Variants in PHYH observed in about 807,000 individuals in gnomAD.
PHYH encodes phytanoyl-CoA dioxygenase, peroxisomal.
In PHYH, 32 loss-of-function variants were observed where a neutral mutation model predicts 38.5. The ratio of observed to expected loss-of-function variants is 0.83; its 90% CI spans 0.63 to 1.12. PHYH has a LOEUF of 1.12. Ranked by LOEUF, PHYH falls within the 50% of genes most tolerant of loss-of-function variation. PHYH has a pLI of 0.00. For synonymous variants in PHYH, 166 were observed against 157.9 expected (o/e 1.05, Z -0.38); for missense variants, 426 against 434.8 (o/e 0.98, Z 0.18).
intron 1 of PHYH, 39 bp from the exon 2 acceptor site, chr10:13,298,284 A>C: frequency 1.5e-6 from 2 of 1,343,704 alleles, no homozygotes; most frequent in Non-Finnish European, 2.1e-6. Context: ...AAAATATAGA[A>C]GGCCAGGCAC....
chr10:13,298,683 A>T (rs1765326963), intron 1 of PHYH, among the ~76,000 whole-genome samples: 1 of 150,600 alleles, frequency 6.6e-6, no homozygotes. Context: ...CCTGGGCAAC[A>T]GAGAGAGACT....
chr10:13,278,367 TCAAA>T lies in PHYH; in HGVS notation c.964-17_964-14del. 1.3e-6 allele frequency: 2 copies of T among 1,599,556 alleles called. No homozygotes were observed. Among genetic ancestry groups the T allele is most frequent in the African/African-American group, 1.3e-5 (1 of 74,750 alleles). On this transcript the variant is annotated splice_polypyrimidine_tract_variant and intron_variant, in intron 8 of 8. Coordinates refer to ENST00000263038, the MANE Select transcript of PHYH (RefSeq NM_006214.4). ...ACATCCAAATATCCTGGAAATAATATCAAACAGAGTGGGTTTATGGAACACTTCA... is the reference window on the plus strand; with the variant it reads ...ACATCCAAATATCCTGGAAATAATATCAGAGTGGGTTTATGGAACACTTCA...
intron 2 of PHYH, among the ~76,000 whole-genome samples, chr10:13,295,892 G>A (rs1168667119): frequency 1.3e-5 from 2 of 151,690 alleles, no homozygotes; most frequent in Non-Finnish European, 2.9e-5. Context: ...CTGAGGCTAG[G>A]CGTGGGGGCT....
chr10:13,288,052 C>T (rs1382626309), intron 6 of PHYH, among the ~76,000 whole-genome samples: 1 of 152,182 alleles, frequency 6.6e-6, no homozygotes, highest in Non-Finnish European at 1.5e-5. Context: ...TGGTGGTGCA[C>T]ACCCGTAGTC....
At chr10:13,299,414 C>A (rs1417908758) in intron 1 of PHYH, 3 of 1,000,560 alleles carry the variant, frequency 3.0e-6, no homozygotes, top group Non-Finnish European at 3.6e-6. Flanking sequence ...CCGCGCCAGT[C>A]CTCACCCGCT....
intron 7 of PHYH, among the ~76,000 whole-genome samples, chr10:13,281,862 C>T (rs1000073599): frequency 7.2e-5 from 11 of 152,190 alleles, no homozygotes; most frequent in East Asian, 5.8e-4. Context: ...TGGTGCCATA[C>T]GGCACTGTAA....
chr10:13,290,635 C>T (rs992046281), intron 5 of PHYH, among the ~76,000 whole-genome samples: 1 of 152,048 alleles, frequency 6.6e-6, no homozygotes, highest in Non-Finnish European at 1.5e-5. Flanking sequence ...TCCTGGGCTC[C>T]AGCGATCCTC....
chr10:13,282,146 G>A (rs1275959686), intron 7 of PHYH, among the ~76,000 whole-genome samples: 2 of 152,156 alleles, frequency 1.3e-5, no homozygotes, highest in Non-Finnish European at 2.9e-5. Flanking sequence ...AGCTACTTGA[G>A]AGGTTGAGGT....
chr10:13,286,419 G>GAAGGC (rs928311440), intron 6 of PHYH, among the ~76,000 whole-genome samples: 1 of 152,136 alleles, frequency 6.6e-6, no homozygotes, highest in African/African-American at 2.4e-5. Flanking sequence ...CAAGGGAAGG[G>GAAGGC]AAAGAACTAC....
chr10:13,299,647 G>A, intron 1 of PHYH: 1 of 1,168,606 alleles, frequency 8.6e-7, no homozygotes, highest in African/African-American at 1.6e-5. Flanking sequence ...TCTCTGGACA[G>A]CTGCCGGGGT....
intron 1 of PHYH, 136 bp downstream of exon 1, chr10:13,299,832 G>T: frequency 7.5e-7 from 1 of 1,325,858 alleles, no homozygotes; most frequent in Non-Finnish European, 9.6e-7. Context: ...ACCCAGGCGG[G>T]GACGCGGCGC....
In PHYH at chr10:13,294,334, G is replaced by A. The variant is rs1207825690; in HGVS notation, c.414+94C>T. On this transcript the variant is annotated intron_variant, in intron 4 of 8. Transcript: ENST00000263038. ...GCCTCCCACAGTGCTCGGATTACAG[G>A]AGTGAGCCACTGCGCCCGGCCAAAT... is the stretch of plus-strand genomic sequence containing the variant. 3.6e-6 allele frequency: 4 copies of A among 1,122,482 alleles called. No individual in the cohort carries two copies. In the Admixed American group the frequency reaches 5.2e-5, roughly 15 times the overall value. The allele number at this position is 1,122,482 out of a possible 1,614,324, so 69.5% of individuals were successfully genotyped here.
At chr10:13,298,361 G>T (rs923973143) in intron 1 of PHYH, 116 bp from the exon 2 acceptor site, 83 of 667,842 alleles carry the variant, frequency 1.2e-4, no homozygotes, top group Middle Eastern at 3.7e-4. Context: ...GAGCTCAGGA[G>T]TTCGAGACCA....
intron 7 of PHYH, 141 bp downstream of exon 7, chr10:13,283,549 T>C (rs1835469539): frequency 2.3e-6 from 2 of 852,780 alleles, no homozygotes; most frequent in East Asian, 2.7e-5. Flanking sequence ...AAAGTCCAGG[T>C]TGGTTAAAAG....
In PHYH at chr10:13,283,759, G is replaced by T. The variant is rs201167753; in HGVS notation, c.759C>A (p.Gly253=). 1 of 1,613,938 alleles carries T rather than the reference G, an allele frequency of 6.2e-7. No homozygotes were observed. The highest frequency in any genetic ancestry group is 2.2e-5 in the East Asian group (1 of 44,880). Residue 253 remains glycine, a synonymous_variant, in exon 7 of 9, where the codon GGC becomes GGA. Coordinates refer to ENST00000263038, the MANE Select transcript of PHYH (RefSeq NM_006214.4). ...GCAAAGGATGGAAGAAAACAGTGTC[G>T]CCCTTCTCCATCACCAGGTGCACCC... ...KARVHLVMEK[G]DTVFFHPLLI...
chr10:13,286,056 C>T (rs554230047), intron 6 of PHYH, among the ~76,000 whole-genome samples: 13 of 152,080 alleles, frequency 8.5e-5, no homozygotes, highest in South Asian at 8.3e-4. Flanking sequence ...TACATGCATG[C>T]GCCACCATGC....
rs140309981 is a variant in PHYH at position 13,291,922 on chromosome 10, CA to C, written c.415-11del. On this transcript the variant is annotated splice_polypyrimidine_tract_variant and intron_variant, in intron 4 of 8. Transcript: ENST00000263038. ...CCACATATTTCAGAATCTAAGAAAG[CA>C]AAAAAAAAACAAAAACAAACCTTGT... is the stretch of plus-strand genomic sequence containing the variant. The C allele has an allele frequency of 5.1e-3, 6,942 of 1,366,268 alleles. 142 individuals are homozygous for C. In the African/African-American group the frequency reaches 0.067, roughly 13 times the overall value. The allele number at this position is 1,366,268 out of a possible 1,614,324, so 84.6% of individuals were successfully genotyped here.
intron 6 of PHYH, among the ~76,000 whole-genome samples, chr10:13,285,190 A>G (rs1835516980): frequency 6.6e-6 from 1 of 151,932 alleles, no homozygotes; most frequent in South Asian, 2.1e-4. Flanking sequence ...TATTATTATT[A>G]TTGTTATTAC....
At chr10:13,287,656 G>C (rs1365916007) in intron 6 of PHYH, among the ~76,000 whole-genome samples, 1 of 152,128 alleles carries the variant, frequency 6.6e-6, no homozygotes, top group Non-Finnish European at 1.5e-5. Context: ...TGTCCTGCAA[G>C]GCTCAGGTCA....
Sources: allele counts gnomAD v4.1 joint callset (sites outside exome capture counted in the v4.1 genomes callset), GRCh38; gene constraint gnomAD v4.1.1; transcripts MANE v1.5; gene names NCBI Gene and HGNC (gene_info 2026-07-23, HGNC 2026-07-21).